Variants in GPATCH2 observed in about 807,000 individuals in gnomAD.
GPATCH2 encodes the protein G patch domain-containing protein 2.
GPATCH2 carries 51 observed loss-of-function variants against 58.0 expected under a neutral mutation model. That is an observed-to-expected ratio of 0.88 (90% CI 0.70 to 1.11). GPATCH2 has a LOEUF of 1.11. GPATCH2 is among the 50% of genes most tolerant of loss of function. The pLI is 0.00. For missense variants in GPATCH2, 625 were observed against 652.2 expected (o/e 0.96, Z 0.45); for synonymous variants, 222 against 218.5 (o/e 1.02, Z -0.14).
chr1:217,534,448 T>G (rs192292328), intron 5 of GPATCH2, among the ~76,000 whole-genome samples: 167 of 152,296 alleles, frequency 1.1e-3, no homozygotes, highest in African/African-American at 3.8e-3. Context: ...GCCCATCTTC[T>G]TATTAGTGAG....
chr1:217,536,423 C>G (rs1318613381), intron 5 of GPATCH2, among the ~76,000 whole-genome samples: 1 of 152,158 alleles, frequency 6.6e-6, no homozygotes, highest in Non-Finnish European at 1.5e-5. Context: ...AACTGCCATT[C>G]TTTTGCTTCT....
chr1:217,501,861 G>C (rs1258963954), intron 6 of GPATCH2, among the ~76,000 whole-genome samples: 1 of 151,882 alleles, frequency 6.6e-6, no homozygotes, highest in African/African-American at 2.4e-5. Flanking sequence ...CTAGTCTTTT[G>C]CTAGATATGT....
Position 217,623,199 on chromosome 1 carries a change from C to CAG in GPATCH2, c.57-2702_57-2701dup, listed in dbSNP as rs1016400368. Among the ~76,000 whole-genome samples the CAG allele has an allele frequency of 3.2e-4, 49 of 152,220 alleles. 1 individual carries two copies. The highest frequency in any genetic ancestry group is 1.0e-3 in the African/African-American group (42 of 41,556). ...TCTGGAGTAACTTACTCTTGGAAGACAGTTTTCTTATCAATGGGTGAATGG... is the reference window on the plus strand; with the variant it reads ...TCTGGAGTAACTTACTCTTGGAAGACAGAGTTTTCTTATCAATGGGTGAATGG... On this transcript the variant is annotated intron_variant, in intron 1 of 9. Coordinates refer to ENST00000366935, the MANE Select transcript of GPATCH2 (RefSeq NM_018040.5).
intron 5 of GPATCH2, among the ~76,000 whole-genome samples, chr1:217,546,053 T>C (rs1425065215): frequency 1.3e-5 from 2 of 152,084 alleles, no homozygotes; most frequent in Non-Finnish European, 2.9e-5. Context: ...AAGTTTTAAT[T>C]TTTTTTAATA....
chr1:217,548,651 TC>T (rs1347684548), intron 5 of GPATCH2, among the ~76,000 whole-genome samples: 14 of 152,132 alleles, frequency 9.2e-5, no homozygotes, highest in Non-Finnish European at 1.6e-4. Context: ...GTTCCCATAA[TC>T]CCCATGTGTC....
intron 5 of GPATCH2, among the ~76,000 whole-genome samples, chr1:217,570,215 G>A (rs1374534434): frequency 6.6e-6 from 1 of 152,068 alleles, no homozygotes; most frequent in Non-Finnish European, 1.5e-5. Context: ...GGGTTCCAGC[G>A]ATTCTCCTGC....
chr1:217,617,482 C>T (rs983673362), intron 2 of GPATCH2, among the ~76,000 whole-genome samples: 3 of 151,958 alleles, frequency 2.0e-5, no homozygotes, highest in Non-Finnish European at 4.4e-5. Flanking sequence ...AGTCCAGGTG[C>T]CACCAGTGAA....
chr1:217,457,303 G>T (rs1659988769), intron 8 of GPATCH2, among the ~76,000 whole-genome samples: 1 of 152,158 alleles, frequency 6.6e-6, no homozygotes. Context: ...CAATGTTTGA[G>T]AAGGCTTTTT....
chr1:217,449,313 G>C lies in GPATCH2; in HGVS notation c.1302C>G (p.Ser434=). 6.2e-7 allele frequency: 1 copy of C among 1,604,576 alleles called. No homozygotes were observed. ...ASRQTSMHLG[S]LCTGDIKRRR... ...TCCGTTTGATATCTCCCGTGCATAAGGATCCTAAATGCATGCTTGTTTGCC... is the reference window on the plus strand; with the variant it reads ...TCCGTTTGATATCTCCCGTGCATAACGATCCTAAATGCATGCTTGTTTGCC... The change falls in exon 9 of 10, where the codon TCC becomes TCG. Residue 434 remains serine, a synonymous_variant. Transcript: ENST00000366935.
chr1:217,475,070 C>G (rs993819657), intron 8 of GPATCH2, among the ~76,000 whole-genome samples: 1 of 152,098 alleles, frequency 6.6e-6, no homozygotes, highest in African/African-American at 2.4e-5. Flanking sequence ...CCTAACATAA[C>G]TGAAGGCTTC....
intron 1 of GPATCH2, among the ~76,000 whole-genome samples, chr1:217,626,085 TA>T (rs1669441443): frequency 6.6e-6 from 1 of 152,224 alleles, no homozygotes; most frequent in Non-Finnish European, 1.5e-5. Context: ...TAGTACTGGG[TA>T]AAACTCTCAT....
intron 5 of GPATCH2, among the ~76,000 whole-genome samples, chr1:217,522,535 G>A (rs1433976699): frequency 6.6e-6 from 1 of 152,056 alleles, no homozygotes; most frequent in Non-Finnish European, 1.5e-5. Flanking sequence ...GCAATATTAT[G>A]AGCATCAAGA....
intron 5 of GPATCH2, among the ~76,000 whole-genome samples, chr1:217,563,134 C>G (rs1408221468): frequency 6.6e-6 from 1 of 152,170 alleles, no homozygotes; most frequent in East Asian, 1.9e-4. Flanking sequence ...TCCTACTAGC[C>G]TAGCTTAACA....
intron 8 of GPATCH2, among the ~76,000 whole-genome samples, chr1:217,483,627 G>T (rs1263553249): frequency 2.0e-5 from 3 of 152,162 alleles, no homozygotes; most frequent in Non-Finnish European, 4.4e-5. Flanking sequence ...TTCAAAACTG[G>T]TTTCCAGAAT....
At chr1:217,610,770 T>C in intron 4 of GPATCH2, 119 bp downstream of exon 4, 1 of 675,782 alleles carries the variant, frequency 1.5e-6, no homozygotes, top group South Asian at 2.1e-5. Context: ...CCAATATGTT[T>C]CTTTACAGCA....
At chr1:217,463,641 CAAAAAAAAAAA>C (rs201402598) in intron 8 of GPATCH2, among the ~76,000 whole-genome samples, 107 of 82,466 alleles carry the variant, frequency 1.3e-3, no homozygotes, top group African/African-American at 5.7e-3. Context: ...CTTATCACTC[CAAAAAAAAAAA>C]AAAAAAAAAA....
At chr1:217,628,768 G>A (rs1669583549) in intron 1 of GPATCH2, among the ~76,000 whole-genome samples, 3 of 151,042 alleles carry the variant, frequency 2.0e-5, no homozygotes, top group South Asian at 2.1e-4. Context: ...AAACAGCAAC[G>A]TCCACACTGG....
chr1:217,605,101 T>C (rs908620768), intron 5 of GPATCH2, among the ~76,000 whole-genome samples: 1 of 152,214 alleles, frequency 6.6e-6, no homozygotes, highest in African/African-American at 2.4e-5. Context: ...ATTCCTACTC[T>C]AGTTTCCTAA....
At chr1:217,597,817 G>T (rs904042097) in intron 5 of GPATCH2, among the ~76,000 whole-genome samples, 1 of 152,048 alleles carries the variant, frequency 6.6e-6, no homozygotes, top group Non-Finnish European at 1.5e-5. Context: ...AAGGCATATC[G>T]TTCTCTCTGC....
Sources: gnomAD v4.1 joint callset for allele counts (sites outside exome capture counted in the v4.1 genomes callset) on GRCh38, gnomAD v4.1.1 for gene constraint, MANE v1.5 for transcripts, NCBI Gene and HGNC (gene_info 2026-07-23, HGNC 2026-07-21) for gene names.